The following EPB41L3 variants were observed in gnomAD, a reference collection of about 807,000 sequenced individuals.
EPB41L3 encodes band 4.1-like protein 3.
In EPB41L3, 57 loss-of-function variants were observed where a neutral mutation model predicts 127.1. The observed-to-expected ratio is 0.45, with a 90% CI of 0.36 to 0.56. The LOEUF is 0.56. EPB41L3 is among the 20% of genes least tolerant of loss of function. The pLI, the probability that EPB41L3 is intolerant of heterozygous loss-of-function variation, is 0.00. For synonymous variants in EPB41L3, 572 were observed against 549.5 expected, an observed-to-expected ratio of 1.04 and a Z score of -0.57; for missense variants, 1,273 against 1,372.2, an observed-to-expected ratio of 0.93 and a Z score of 1.14.
Position 5,397,934 on chromosome 18 carries a change from T to C in EPB41L3, c.2472+87A>G. On this transcript the variant is annotated intron_variant, in intron 17 of 22. Coordinates refer to ENST00000341928, the MANE Select transcript of EPB41L3 (RefSeq NM_012307.5). The surrounding 1 kb of genome is among the most constrained non-coding windows in gnomAD (Gnocchi z 4.1). Reference sequence around the variant, plus strand: ...GATGTTGAAGGCAAAGCCAGCTGGATGCAACCACACACTCACGCCCAAAAA... The same window carrying C: ...GATGTTGAAGGCAAAGCCAGCTGGACGCAACCACACACTCACGCCCAAAAA... 1 of 1,536,336 alleles carries C rather than the reference T, an allele frequency of 6.5e-7. No individual in the cohort carries two copies. The highest frequency in any genetic ancestry group is 1.4e-5 in the African/African-American group (1 of 72,670).
At chr18:5,513,555 G>A (rs1466751573) in intron 1 of EPB41L3, among the ~76,000 whole-genome samples, 2 of 152,116 alleles carry the variant, frequency 1.3e-5, no homozygotes, top group Admixed American at 6.5e-5. Context: ...AACCTAGAGG[G>A]TAAGAGTCTA....
intron 3 of EPB41L3, among the ~76,000 whole-genome samples, chr18:5,601,254 G>A (rs2094587823): frequency 6.6e-6 from 1 of 152,118 alleles, no homozygotes; most frequent in African/African-American, 2.4e-5. Context: ...TGTAACTAGA[G>A]AAGGAGATAA....
At chr18:5,555,173 G>A (rs1344491281) in intron 3 of EPB41L3, among the ~76,000 whole-genome samples, 2 of 152,206 alleles carry the variant, frequency 1.3e-5, no homozygotes, top group East Asian at 1.9e-4. Context: ...TTCAAACATC[G>A]CCAGGTCATT....
chr18:5,425,694 T>C (rs2078077165), intron 9 of EPB41L3, among the ~76,000 whole-genome samples: 1 of 152,178 alleles, frequency 6.6e-6, no homozygotes, highest in Admixed American at 6.5e-5. Context: ...TTCTTCTCAC[T>C]CACTTTTCTC....
At position 5,490,175 on chromosome 18, in the gene EPB41L3, T is replaced by C. The variant is rs1047878590; in HGVS notation, c.-11-981A>G. ...GCTCTAAGCAGCAAGAGAGCTGCTA[T>C]TACGCCAAGTAGATCCCATGTCATT... On this transcript the variant is annotated intron_variant, in intron 1 of 22. Transcript: ENST00000341928. 4.6e-5 allele frequency among the ~76,000 whole-genome samples: 7 copies of C among 152,372 alleles called. No homozygotes were observed. In the East Asian group the frequency reaches 9.6e-4, roughly 21 times the overall value.
intron 4 of EPB41L3, among the ~76,000 whole-genome samples, chr18:5,444,172 G>A (rs1399422162): frequency 6.6e-6 from 1 of 152,202 alleles, no homozygotes; most frequent in Non-Finnish European, 1.5e-5. Context: ...GAGGGGAAAA[G>A]ACAGAAGAGT....
intron 18 of EPB41L3, 70 bp downstream of exon 18, chr18:5,396,988 T>C: frequency 6.8e-7 from 1 of 1,468,218 alleles, no homozygotes; most frequent in Non-Finnish European, 9.1e-7. Context: ...ACCTTTATGC[T>C]GATCTAAATT....
At chr18:5,620,349 A>G (rs1319329639) in intron 1 of EPB41L3, among the ~76,000 whole-genome samples, 1 of 152,188 alleles carries the variant, frequency 6.6e-6, no homozygotes, top group East Asian at 1.9e-4. Context: ...GCTACACTTA[A>G]AGAAAAATAC....
At chr18:5,441,616 C>G (rs555075567) in intron 5 of EPB41L3, among the ~76,000 whole-genome samples, 2 of 152,264 alleles carry the variant, frequency 1.3e-5, no homozygotes, top group East Asian at 3.9e-4. Context: ...CAGGCGCACG[C>G]CACCATGCCC....
intron 1 of EPB41L3, among the ~76,000 whole-genome samples, chr18:5,530,154 G>A (rs2148918464): frequency 6.6e-6 from 1 of 151,976 alleles, no homozygotes; most frequent in South Asian, 2.1e-4. Context: ...ACCATTTATT[G>A]GGTACTTATG....
intron 11 of EPB41L3, among the ~76,000 whole-genome samples, chr18:5,421,458 C>G (rs1251468448): frequency 3.3e-5 from 5 of 152,108 alleles, no homozygotes. Context: ...TATCTTAATT[C>G]AGCTCGAAAC....
intron 1 of EPB41L3, among the ~76,000 whole-genome samples, chr18:5,499,136 A>C (rs1448811864): frequency 6.6e-6 from 1 of 152,000 alleles, no homozygotes; most frequent in Non-Finnish European, 1.5e-5. Flanking sequence ...TTAGTTAGTC[A>C]CCTCCCTCCT....
rs1393338598 is a variant in EPB41L3 at position 5,476,401 on chromosome 18, G to A, written c.381+1840C>T. Among the ~76,000 whole-genome samples the A allele has an allele frequency of 2.0e-5, 3 of 152,118 alleles. No individual in the cohort carries two copies. In the East Asian group the frequency reaches 5.8e-4, roughly 29 times the overall value. On this transcript the variant is annotated intron_variant, in intron 3 of 22. Coordinates refer to ENST00000341928, the MANE Select transcript of EPB41L3 (RefSeq NM_012307.5). ...CACAGTGACATTAAAAGAAAGGTAA[G>A]TAAAAAATAAAAAATTTGTAACCAC...
intron 2 of EPB41L3, 77 bp downstream of exon 2, chr18:5,488,924 C>G (rs904825961): frequency 6.8e-6 from 10 of 1,463,676 alleles, no homozygotes; most frequent in Non-Finnish European, 9.0e-6. Context: ...GCCTCTAGGG[C>G]TAAGAGACCA....
chr18:5,589,356 A>G (rs1313601691), intron 3 of EPB41L3, among the ~76,000 whole-genome samples: 1 of 152,046 alleles, frequency 6.6e-6, no homozygotes, highest in Non-Finnish European at 1.5e-5. Context: ...AAGATGATTA[A>G]GGATGGTATT....
intron 3 of EPB41L3, among the ~76,000 whole-genome samples, chr18:5,607,762 CCT>C (rs1378081040): frequency 6.6e-6 from 1 of 152,094 alleles, no homozygotes; most frequent in Non-Finnish European, 1.5e-5. Flanking sequence ...TATAATCCCC[CCT>C]GTTCCCCAAC....
intron 22 of EPB41L3, chr18:5,394,439 G>A: frequency 2.2e-6 from 1 of 448,446 alleles, no homozygotes; most frequent in East Asian, 3.6e-5. Context: ...AAGCATAGAA[G>A]CATAGACTCT....
At chr18:5,407,156 G>GAAAAAAA in intron 15 of EPB41L3, 188 bp from the exon 16 acceptor site, 3 of 560,214 alleles carry the variant, frequency 5.4e-6, no homozygotes, top group Non-Finnish European at 9.4e-6. Flanking sequence ...AAAGGAAACA[G>GAAAAAAA]AAAAAAAAAT....
Position 5,618,120 on chromosome 18 carries a change from A to G in EPB41L3, c.-467-3697T>C, listed in dbSNP as rs535101403. Among the ~76,000 whole-genome samples the G allele has an allele frequency of 2.6e-5, 4 of 152,348 alleles. No homozygotes were observed. In the South Asian group the frequency reaches 8.3e-4, roughly 32 times the overall value. On this transcript the variant is annotated intron_variant, in intron 1 of 21. Transcript: ENST00000545076. The stretch of plus-strand genomic sequence containing the variant: ...CCGGGCAAATAATTCAAAATTCCAA[A>G]CAACTACTTACAAATACACTTTTCA...
Sources: gnomAD v4.1 joint callset for allele counts (sites outside exome capture counted in the v4.1 genomes callset) on GRCh38, gnomAD v4.1.1 for gene constraint, Gnocchi (gnomAD v3.1) non-coding constraint, MANE v1.5 for transcripts, NCBI Gene and HGNC (gene_info 2026-07-23, HGNC 2026-07-21) for gene names.